FNBP4: variants seen among roughly 807,000 people sequenced by gnomAD.
The protein encoded by FNBP4 is formin binding protein 4.
In FNBP4, 34 loss-of-function variants were observed where a neutral mutation model predicts 119.3. The ratio of observed to expected loss-of-function variants is 0.28; its 90% confidence interval spans 0.22 to 0.38. The LOEUF is 0.38. Among genes scored for constraint, FNBP4 ranks in the 10% least tolerant of loss-of-function variants. The probability of loss-of-function intolerance (pLI) is 1.00; values close to 1 mark genes in which losing one functional copy is unlikely to be tolerated. For synonymous variants in FNBP4, 462 were observed against 430.6 expected (o/e 1.07, Z -0.90); for missense variants, 1,112 against 1,228.9 (o/e 0.90, Z 1.42).
At chr11:47,763,529 C>A (rs2097640529) in intron 2 of FNBP4, among the ~76,000 whole-genome samples, 1 of 150,808 alleles carries the variant, frequency 6.6e-6, no homozygotes. Flanking sequence ...GAGACGGAGT[C>A]TTGCTCTGTC....
Position 47,767,317 on chromosome 11 carries a change from C to A in FNBP4, c.-29G>T. ...GAGCCCAAGCGCGAGCAGAGAGCGT[C>A]GGGCGGCCGAGAGGGGCGGGCACTG... On this transcript the variant is annotated 5_prime_UTR_variant, in exon 1 of 17. Coordinates refer to ENST00000263773, the MANE Select transcript of FNBP4 (RefSeq NM_015308.5). The A allele has an allele frequency of 6.9e-7, 1 of 1,454,998 alleles. No homozygotes were observed. 90.1% of individuals were successfully genotyped at this position (1,454,998 alleles called of 1,614,324 possible).
chr11:47,731,521 C>T lies in FNBP4; in HGVS notation c.1861G>A (p.Glu621Lys), dbSNP rs1037983963. 3 of 1,612,712 alleles carry T rather than the reference C, an allele frequency of 1.9e-6. No individual in the cohort carries two copies. The highest frequency in any genetic ancestry group is 1.7e-5 in the Admixed American group (1 of 59,566). Reference sequence around the variant, plus strand: ...CCATCTGGAAACTCCCACTGAGACTCGCCCGACTGTTCGTTTACATAGAAA... The same window carrying T: ...CCATCTGGAAACTCCCACTGAGACTTGCCCGACTGTTCGTTTACATAGAAA... ...RYFYVNEQSGESQWEFPDGEE... is the reference protein window; with the variant it reads ...RYFYVNEQSGKSQWEFPDGEE... Residue 621 changes from glutamate to lysine, a missense_variant, in exon 12 of 17, where the codon GAG becomes AAG. Glu to Lys is a moderately conservative substitution (Grantham distance 56). This residue lies in a region of FNBP4 where 826 missense variants were observed against 988.8 expected (regional missense o/e 0.84). Coordinates refer to ENST00000263773, the MANE Select transcript of FNBP4 (RefSeq NM_015308.5).
At chr11:47,733,950 AG>A in intron 10 of FNBP4, 74 bp downstream of exon 10, 1 of 659,362 alleles carries the variant, frequency 1.5e-6, no homozygotes, top group Non-Finnish European at 2.4e-6. Flanking sequence ...TAAGCAAGAC[AG>A]AATCGTTAAC....
At position 47,750,996 on chromosome 11, in the gene FNBP4, C is replaced by G; in HGVS notation, c.826G>C (p.Asp276His). ...ATCGTTTTCTCCTTAGAATATATGTCTGTATTTACCACAAAACTAGTTTCA... is the reference window on the plus strand; with the variant it reads ...ATCGTTTTCTCCTTAGAATATATGTGTGTATTTACCACAAAACTAGTTTCA... ...GAETSFVVNTDIYSKEKTISV... is the reference protein window; with the variant it reads ...GAETSFVVNTHIYSKEKTISV... The change falls in exon 6 of 17, where the codon GAC becomes CAC. Residue 276 changes from aspartate (D) to histidine (H), a missense_variant. Asp to His is a moderately conservative substitution (Grantham distance 81, BLOSUM62 -1). This residue lies in a region of FNBP4 where 826 missense variants were observed against 988.8 expected (regional missense o/e 0.84). Coordinates refer to ENST00000263773, the MANE Select transcript of FNBP4 (RefSeq NM_015308.5). 1 of 1,613,986 alleles carries G rather than the reference C, an allele frequency of 6.2e-7. No individual in the cohort carries two copies. Among genetic ancestry groups the G allele is most frequent in the Non-Finnish European group, 8.5e-7 (1 of 1,179,980 alleles).
In FNBP4 at chr11:47,724,567, T is replaced by G; in HGVS notation, c.2220A>C (p.Val740=). Residue 740 remains valine (V), a synonymous_variant, in exon 13 of 17, where the codon GTA becomes GTC. Transcript: ENST00000263773. ...PPAEDGEIQE[V]EMEDEGSEEP... is the part of the protein sequence containing the mutation. ...CCTCACTTCCCTCATCCTCCATCTC[T>G]ACCTCCTGGATCTCACCATCTTCCG... is the stretch of plus-strand genomic sequence containing the variant. 1.2e-6 allele frequency: 2 copies of G among 1,614,022 alleles called. No homozygotes were observed. Among genetic ancestry groups the G allele is most frequent in the Non-Finnish European group, 1.7e-6 (2 of 1,179,918 alleles).
In FNBP4 at chr11:47,767,304, G is replaced by A. The variant is rs763513113; in HGVS notation, c.-16C>T. On this transcript the variant is annotated 5_prime_UTR_variant, in exon 1 of 17. Transcript: ENST00000263773. ...TCTTCCCCATCGCGAGCCCAAGCGCGAGCAGAGAGCGTCGGGCGGCCGAGA... is the reference window on the plus strand; with the variant it reads ...TCTTCCCCATCGCGAGCCCAAGCGCAAGCAGAGAGCGTCGGGCGGCCGAGA... The A allele has an allele frequency of 2.0e-6, 3 of 1,483,082 alleles. No individual in the cohort carries two copies. Among genetic ancestry groups the A allele is most frequent in the Non-Finnish European group, 2.7e-6 (3 of 1,123,190 alleles). 91.9% of individuals were successfully genotyped at this position (1,483,082 alleles called of 1,614,324 possible).
chr11:47,762,906 C>CAAAAAAAAAAACAAAAAAAAAAAA (rs2097638915), intron 2 of FNBP4, among the ~76,000 whole-genome samples: 1 of 100,640 alleles, frequency 9.9e-6, no homozygotes, highest in Non-Finnish European at 2.2e-5. Context: ...ACTCTGATTC[C>CAAAAAAAAAAACAAAAAAAAAAAA]AAAAAAAAAA....
chr11:47,720,524 C>T (rs2097554405), intron 15 of FNBP4, among the ~76,000 whole-genome samples: 1 of 148,808 alleles, frequency 6.7e-6, no homozygotes, highest in Admixed American at 6.7e-5. Context: ...GCCGAGATCA[C>T]CACTGCACTC....
At chr11:47,741,171 G>GTT (rs2097581468) in intron 8 of FNBP4, among the ~76,000 whole-genome samples, 1 of 151,456 alleles carries the variant, frequency 6.6e-6, no homozygotes, top group African/African-American at 2.4e-5. Flanking sequence ...GCGCCAGTCT[G>GTT]TTTTTCTTTT....
At chr11:47,765,801 A>C (rs2097646525) in intron 1 of FNBP4, among the ~76,000 whole-genome samples, 1 of 149,432 alleles carries the variant, frequency 6.7e-6, no homozygotes, top group Non-Finnish European at 1.5e-5. Context: ...AAAAGAAAGG[A>C]CATTTCATTG....
At chr11:47,722,109 C>A (rs2097556429) in intron 15 of FNBP4, among the ~76,000 whole-genome samples, 1 of 145,842 alleles carries the variant, frequency 6.9e-6, no homozygotes, top group Non-Finnish European at 1.5e-5. Flanking sequence ...CCCAAGCCAC[C>A]CCCTGCCAGA....
In FNBP4 at chr11:47,720,024, C is replaced by T; in HGVS notation, c.2868G>A (p.Glu956=). 6.2e-7 allele frequency: 1 copy of T among 1,614,130 alleles called. No individual in the cohort carries two copies. The highest frequency in any genetic ancestry group is 8.5e-7 in the Non-Finnish European group (1 of 1,180,008). ...AACTAGAATTGTCCTCTTCATCTAA[C>T]TCACGCTGGATACTCTGCCACTTTT... The part of the protein sequence containing the change: ...LVKKWQSIQR[E]LDEEDNSSSS... The change falls in exon 16 of 17, where the codon GAG becomes GAA. Residue 956 remains glutamate, a synonymous_variant. Transcript: ENST00000263773.
chr11:47,740,195 A>G (rs2097579924), intron 8 of FNBP4, among the ~76,000 whole-genome samples: 1 of 151,772 alleles, frequency 6.6e-6, no homozygotes, highest in South Asian at 2.1e-4. Flanking sequence ...CGGGCGGATC[A>G]CCTGAGGTCG....
At chr11:47,717,818 G>A (rs1369977866) in intron 16 of FNBP4, among the ~76,000 whole-genome samples, 1 of 152,026 alleles carries the variant, frequency 6.6e-6, no homozygotes, top group Non-Finnish European at 1.5e-5. Flanking sequence ...GTGCGATCTC[G>A]GCTCACCGCA....
Position 47,719,990 on chromosome 11 carries a change from C to T in FNBP4, c.2902G>A (p.Glu968Lys), listed in dbSNP as rs1285889138. Residue 968 changes from glutamate (E) to lysine (K), a missense_variant, in exon 16 of 17, where the codon GAG becomes AAG. Around this residue, in one of 2 missense-constraint regions of FNBP4, gnomAD observed 826 missense variants for 988.8 expected, o/e 0.84. Transcript: ENST00000263773. ...DEEDNSSSSE[E>K]DRESTAQKRI... is the part of the protein sequence containing the mutation. ...TTCTGTGCAGTTGATTCCCGATCCT[C>T]TTCACTGGAACTAGAATTGTCCTCT... 1 of 1,613,964 alleles carries T rather than the reference C, an allele frequency of 6.2e-7. No homozygotes were observed.
At chr11:47,756,860 C>G (rs1442638972) in intron 2 of FNBP4, among the ~76,000 whole-genome samples, 4 of 152,144 alleles carry the variant, frequency 2.6e-5, no homozygotes, top group Non-Finnish European at 4.4e-5. Flanking sequence ...CATGTCCCTA[C>G]AAAGGACATG....
intron 8 of FNBP4, among the ~76,000 whole-genome samples, chr11:47,740,680 G>A (rs2097580705): frequency 6.6e-6 from 1 of 151,030 alleles, no homozygotes; most frequent in Admixed American, 6.6e-5. Context: ...TCCAACTTCC[G>A]CCTCCTGGGT....
At chr11:47,747,570 G>C (rs1196570099) in intron 6 of FNBP4, among the ~76,000 whole-genome samples, 1 of 152,082 alleles carries the variant, frequency 6.6e-6, no homozygotes, top group African/African-American at 2.4e-5. Flanking sequence ...GCCTCCGAAA[G>C]TGCTGGGATT....
chr11:47,739,459 A>T (rs1565139573), intron 8 of FNBP4, among the ~76,000 whole-genome samples: 1 of 152,172 alleles, frequency 6.6e-6, no homozygotes, highest in Non-Finnish European at 1.5e-5. Flanking sequence ...AATGTTTTGG[A>T]GGGCAAGTAC....
Sources: allele counts gnomAD v4.1 joint callset (sites outside exome capture counted in the v4.1 genomes callset), GRCh38; gene constraint gnomAD v4.1.1; regional missense constraint gnomAD v4.1.1; transcripts MANE v1.5; gene names NCBI Gene and HGNC (gene_info 2026-07-23, HGNC 2026-07-21).